LARP4B: variants seen among roughly 807,000 people sequenced by gnomAD.
The protein encoded by LARP4B is La ribonucleoprotein 4B, also known as la-related protein 4B.
A neutral mutation model predicts 89.8 loss-of-function variants in LARP4B; 12 were observed. That is an observed-to-expected ratio of 0.13 (90% CI 0.09 to 0.22). LARP4B has a LOEUF of 0.22. LARP4B is among the 10% of genes least tolerant of loss of function. LARP4B has a pLI of 1.00. For synonymous variants in LARP4B, 367 were observed against 363.3 expected, an observed-to-expected ratio of 1.01 and a Z score of -0.12; for missense variants, 757 against 947.7, an observed-to-expected ratio of 0.80 and a Z score of 2.64.
intron 1 of LARP4B, among the ~76,000 whole-genome samples, chr10:887,012 G>A (rs1051208408): frequency 1.3e-5 from 2 of 152,094 alleles, no homozygotes; most frequent in Non-Finnish European, 2.9e-5. Context: ...GCTTGAACCC[G>A]GGAAGCAGGG....
chr10:899,379 C>A (rs1337471921), intron 1 of LARP4B, among the ~76,000 whole-genome samples: 1 of 152,130 alleles, frequency 6.6e-6, no homozygotes, highest in Non-Finnish European at 1.5e-5. Context: ...TCAGGAACTC[C>A]CTACTCACAA....
intron 3 of LARP4B, among the ~76,000 whole-genome samples, chr10:865,185 G>A (rs1195375429): frequency 2.0e-5 from 3 of 152,152 alleles, no homozygotes; most frequent in African/African-American, 7.2e-5. Flanking sequence ...ATCCACAGGT[G>A]ACCATGAAGC....
At chr10:913,067 CT>C (rs67980173) in intron 1 of LARP4B, among the ~76,000 whole-genome samples, 27,855 of 152,048 alleles carry the variant, frequency 0.18, 2,810 homozygotes, top group Non-Finnish European at 0.23. Flanking sequence ...CTGACTATCC[CT>C]TTTTGATTCA....
chr10:938,504 C>T, the LARP4B span, among the ~76,000 whole-genome samples: 1,017 of 152,250 alleles, frequency 6.7e-3, 19 homozygotes, highest in Admixed American at 0.038. Context: ...CCGCCCGCCT[C>T]GGCCTCCCAA....
At chr10:820,640 G>A (rs749715234) in intron 14 of LARP4B, 160 bp downstream of exon 14, 10 of 663,364 alleles carry the variant, frequency 1.5e-5, no homozygotes, top group Non-Finnish European at 2.3e-5. Flanking sequence ...TTCCTCCTAG[G>A]CCAGCCAGGG....
In LARP4B at chr10:842,981, G is replaced by A. The variant is rs145313674; in HGVS notation, c.597C>T (p.His199=). 11 of 1,614,032 alleles carry A rather than the reference G, an allele frequency of 6.8e-6. No individual in the cohort carries two copies. The African/African-American group carries it at 9.3e-5, about 14-fold the overall frequency. ...VPITTVANLD[H]IKKLSTDVDL... ...CCACATCAGTGCTGAGCTTCTTGAT[G>A]TGGTCGAGGTTAGCCACCGTTGTGA... Residue 199 remains histidine, a synonymous_variant, in exon 7 of 18, where the codon CAC becomes CAT. Transcript: ENST00000316157.
rs1470067056 is a variant in LARP4B, at chr10:814,050, C to T, written c.1929+692G>A. The stretch of plus-strand genomic sequence containing the variant: ...TCTCCTGACCGCATGATCTGCCTAC[C>T]TCGGCCTCCCAAAGTGCTGGGATTA... On this transcript the variant is annotated intron_variant, in intron 17 of 17. Transcript: ENST00000316157. The surrounding 1 kb of genome is among the most constrained non-coding windows in gnomAD (Gnocchi z 4.4). Among the ~76,000 whole-genome samples, 1 of 152,034 alleles carries T rather than the reference C, an allele frequency of 6.6e-6. No homozygotes were observed. The highest frequency in any genetic ancestry group is 1.5e-5 in the Non-Finnish European group (1 of 68,012).
intron 3 of LARP4B, among the ~76,000 whole-genome samples, chr10:875,131 C>CA (rs1160469464): frequency 2.6e-5 from 4 of 152,144 alleles, no homozygotes; most frequent in African/African-American, 9.7e-5. Flanking sequence ...ACTAAAGACA[C>CA]AAACGATTCA....
chr10:983,729 CAG>C, the LARP4B span, among the ~76,000 whole-genome samples: 1 of 152,158 alleles, frequency 6.6e-6, no homozygotes, highest in Non-Finnish European at 1.5e-5. Context: ...CACTGGGAGA[CAG>C]GGCTTTCACG....
chr10:909,090 C>T (rs1453372329), intron 1 of LARP4B, among the ~76,000 whole-genome samples: 8 of 151,988 alleles, frequency 5.3e-5, no homozygotes, highest in Non-Finnish European at 1.0e-4. Context: ...GTCAGGAGAT[C>T]AAGATCATCC....
chr10:885,802 A>C, intron 1 of LARP4B, 42 bp from the exon 2 acceptor site: 1 of 950,316 alleles, frequency 1.1e-6, no homozygotes, highest in South Asian at 1.4e-5. Context: ...TTTGAAGGGC[A>C]CAGTATGATT....
chr10:844,147 C>T (rs1049340105), intron 6 of LARP4B, among the ~76,000 whole-genome samples: 9 of 152,242 alleles, frequency 5.9e-5, no homozygotes, highest in Admixed American at 3.3e-4. Context: ...CTGCTCCACC[C>T]TCATCTCGGC....
chr10:938,131 G>T, the LARP4B span, among the ~76,000 whole-genome samples: 2 of 152,030 alleles, frequency 1.3e-5, no homozygotes, highest in African/African-American at 4.8e-5. Context: ...TGATCTGCCT[G>T]CCTCAGCCTC....
chr10:850,373 G>A (rs1175541731), intron 5 of LARP4B, among the ~76,000 whole-genome samples: 2 of 152,170 alleles, frequency 1.3e-5, no homozygotes, highest in African/African-American at 2.4e-5. Context: ...GAAACCTGGA[G>A]TGATTACATT....
the LARP4B span, among the ~76,000 whole-genome samples, chr10:975,656 T>C: frequency 3.9e-5 from 6 of 152,160 alleles, no homozygotes; most frequent in Non-Finnish European, 7.3e-5. Flanking sequence ...GGAAACACAA[T>C]AGGAAGGCAA....
intron 3 of LARP4B, among the ~76,000 whole-genome samples, chr10:868,373 T>C (rs1189624801): frequency 2.1e-5 from 3 of 144,370 alleles, no homozygotes; most frequent in Non-Finnish European, 4.5e-5. Flanking sequence ...ATATTAAGAT[T>C]TGCTTAAAAA....
Position 812,988 on chromosome 10 carries a change from G to A in LARP4B, c.2155C>T (p.Pro719Ser), listed in dbSNP as rs759636549. ...QRRPAGGRPS[P>S]SAMGKRLSRE... ...CTGAGACGCTTCCCCATGGCCGAGG[G>A]CGAGGGCCGGCCCCCCGCCGGCCGC... Residue 719 changes from proline to serine, a missense_variant, in exon 18 of 18, where the codon CCC becomes TCC. Pro to Ser is a moderately conservative substitution (Grantham distance 74). Transcript: ENST00000316157. The A allele has an allele frequency of 4.4e-6, 7 of 1,585,544 alleles. No individual in the cohort carries two copies. The South Asian group carries it at 6.9e-5, about 16-fold the overall frequency.
chr10:922,713 AAAT>A lies in LARP4B; in HGVS notation c.-40+8712_-40+8714del, dbSNP rs537845405. Among the ~76,000 whole-genome samples, 96 of 150,670 alleles carry A rather than the reference AAAT, an allele frequency of 6.4e-4. 1 individual carries two copies. In the East Asian group the frequency reaches 0.018, roughly 28 times the overall value. On this transcript the variant is annotated intron_variant, in intron 1 of 17. Coordinates refer to ENST00000316157, the MANE Select transcript of LARP4B (RefSeq NM_015155.3). ...TAAATAAATAAATAAATAAATAAAT[AAAT>A]AACAAGTATCACTGGAGGTATGGAT...
the LARP4B span, among the ~76,000 whole-genome samples, chr10:969,975 C>T: frequency 6.6e-6 from 1 of 152,142 alleles, no homozygotes; most frequent in African/African-American, 2.4e-5. Flanking sequence ...AGTCATGAGC[C>T]CGGACTGACG....
Sources: gnomAD v4.1 joint callset for allele counts (sites outside exome capture counted in the v4.1 genomes callset) on GRCh38, gnomAD v4.1.1 for gene constraint, Gnocchi (gnomAD v3.1) non-coding constraint, MANE v1.5 for transcripts, NCBI Gene and HGNC (gene_info 2026-07-23, HGNC 2026-07-21) for gene names.